The following FAM222B variants were observed in gnomAD, a reference collection of about 807,000 sequenced individuals.
The protein encoded by FAM222B is family with sequence similarity 222 member B.
In FAM222B, 12 loss-of-function variants were observed where a neutral mutation model predicts 38.0. That is an observed-to-expected ratio of 0.32 (90% confidence interval 0.20 to 0.51). The LOEUF is 0.51. FAM222B is among the 20% of genes least tolerant of loss of function. The pLI, the probability that FAM222B is intolerant of heterozygous loss-of-function variation, is 0.97. For missense variants in FAM222B, 716 were observed against 754.2 expected, an observed-to-expected ratio of 0.95 and a Z score of 0.59; for synonymous variants, 329 against 317.2, an observed-to-expected ratio of 1.04 and a Z score of -0.40.
intron 1 of FAM222B, among the ~76,000 whole-genome samples, chr17:28,790,884 C>CATTTTTTTTT (rs71135852): frequency 0.027 from 2,286 of 86,070 alleles, 839 homozygotes; most frequent in African/African-American, 0.034. Flanking sequence ...AATTGTTTCA[C>CATTTTTTTTT]TTTTTTTTTT....
upstream of FAM222B, among the ~76,000 whole-genome samples, chr17:28,846,181 C>T (rs1476441060): frequency 3.9e-4 from 51 of 130,704 alleles, no homozygotes; most frequent in Non-Finnish European, 6.3e-4. Context: ...CCAGCCTGGG[C>T]GACAGAGCAA....
At chr17:28,764,876 A>G (rs2035257226) in intron 2 of FAM222B, among the ~76,000 whole-genome samples, 1 of 152,206 alleles carries the variant, frequency 6.6e-6, no homozygotes, top group African/African-American at 2.4e-5. Context: ...GAGTGTGTTA[A>G]GGAACCCAGA....
At chr17:28,817,412 C>CAA (rs34394358) in intron 1 of FAM222B, among the ~76,000 whole-genome samples, 1 of 136,516 alleles carries the variant, frequency 7.3e-6, no homozygotes. Flanking sequence ...GACTCTGTCT[C>CAA]AAAAAAAAAA....
chr17:28,831,386 TAA>T (rs1216101488), intron 1 of FAM222B, among the ~76,000 whole-genome samples: 1 of 152,142 alleles, frequency 6.6e-6, no homozygotes, highest in African/African-American at 2.4e-5. Context: ...AGCTCTTTAT[TAA>T]GTCTTGAAAT....
chr17:28,788,612 T>A (rs2036523365), intron 1 of FAM222B, among the ~76,000 whole-genome samples: 1 of 152,168 alleles, frequency 6.6e-6, no homozygotes, highest in Non-Finnish European at 1.5e-5. Flanking sequence ...ACATATTAAG[T>A]CCCACCAAAC....
intron 1 of FAM222B, among the ~76,000 whole-genome samples, chr17:28,805,274 T>C (rs1269082249): frequency 6.6e-6 from 1 of 151,880 alleles, no homozygotes; most frequent in Non-Finnish European, 1.5e-5. Context: ...GGGCCGGGCA[T>C]GGTGGCTCAC....
intron 1 of FAM222B, among the ~76,000 whole-genome samples, chr17:28,778,713 ATATATATTTT>A (rs2036019682): frequency 1.4e-5 from 1 of 68,990 alleles, no homozygotes; most frequent in Non-Finnish European, 2.6e-5. Flanking sequence ...ATATATATAT[ATATATATTTT>A]TTTTTTTTTT....
upstream of FAM222B, among the ~76,000 whole-genome samples, chr17:28,846,021 G>A (rs941156266): frequency 6.6e-6 from 1 of 151,240 alleles, no homozygotes; most frequent in African/African-American, 2.4e-5. Flanking sequence ...GGCTAACACG[G>A]TGAAACCCCG....
intron 1 of FAM222B, among the ~76,000 whole-genome samples, chr17:28,778,589 C>T (rs1443804951): frequency 1.4e-5 from 2 of 146,148 alleles, no homozygotes; most frequent in Non-Finnish European, 3.0e-5. Context: ...CTGAAACCTC[C>T]ACCTCCTGGG....
chr17:28,854,975 G>A, exon 1 of FAM222B: 1 of 1,507,024 alleles, frequency 6.6e-7, no homozygotes, highest in Non-Finnish European at 8.9e-7. Context: ...TGGTTCGTCA[G>A]CCGCTCTGTT....
chr17:28,774,145 T>C (rs1597878020), intron 1 of FAM222B, among the ~76,000 whole-genome samples: 3 of 144,868 alleles, frequency 2.1e-5, no homozygotes, highest in South Asian at 2.3e-4. Flanking sequence ...TCTTTTGTTT[T>C]CTTTTTTTTT....
intron 2 of FAM222B, among the ~76,000 whole-genome samples, chr17:28,760,220 T>G (rs2035005473): frequency 6.6e-6 from 1 of 152,170 alleles, no homozygotes; most frequent in Non-Finnish European, 1.5e-5. Flanking sequence ...GTCTCATATC[T>G]TGCAGAACCA....
At chr17:28,766,893 A>G (rs1008064868) in intron 1 of FAM222B, 186 bp from the exon 2 acceptor site, 39 of 520,256 alleles carry the variant, frequency 7.5e-5, no homozygotes, top group Non-Finnish European at 1.2e-4. Flanking sequence ...AAATATCACT[A>G]TGGTTAAAAT....
In FAM222B at chr17:28,766,724, C is replaced by A. The variant is rs1406974002; in HGVS notation, c.-40-17G>T. 70 of 1,409,504 alleles carry A rather than the reference C, an allele frequency of 5.0e-5. No homozygotes were observed. The highest frequency in any genetic ancestry group is 1.4e-5 in the African/African-American group (1 of 70,436). The allele number at this position is 1,409,504 out of a possible 1,614,324, so 87.3% of individuals were successfully genotyped here. A position where few individuals can be genotyped will look rare whatever the true frequency, so the allele number is the denominator to read the frequency against. ...TGGCTCACACTGTAATGAACAAAAA[C>A]AAGGTCATGAAACACAAGGCAACTC... On this transcript the variant is annotated splice_polypyrimidine_tract_variant and intron_variant, in intron 1 of 2. Coordinates refer to ENST00000581407, the MANE Select transcript of FAM222B (RefSeq NM_001077498.3).
intron 1 of FAM222B, among the ~76,000 whole-genome samples, chr17:28,835,022 TTTTGTG>T (rs1279913481): frequency 6.4e-4 from 34 of 53,488 alleles, no homozygotes; most frequent in Admixed American, 1.2e-3. Flanking sequence ...ACTCAGCTAA[TTTTGTG>T]TGTGTGTGTG....
At chr17:28,817,202 A>G (rs1386185939) in intron 1 of FAM222B, among the ~76,000 whole-genome samples, 1 of 151,942 alleles carries the variant, frequency 6.6e-6, no homozygotes, top group East Asian at 1.9e-4. Context: ...AACTGAGGTC[A>G]GCAGTTCGAG....
chr17:28,766,591 T>G lies in FAM222B; in HGVS notation c.77A>C (p.Gln26Pro). 1 of 1,597,256 alleles carries G rather than the reference T, an allele frequency of 6.3e-7. No homozygotes were observed. Among genetic ancestry groups the G allele is most frequent in the Non-Finnish European group, 8.5e-7 (1 of 1,171,522 alleles). Residue 26 changes from glutamine to proline, a missense_variant, in exon 2 of 3, where the codon CAG becomes CCG. Gln to Pro is a moderately conservative substitution (Grantham distance 76). Coordinates refer to ENST00000581407, the MANE Select transcript of FAM222B (RefSeq NM_001077498.3). ...ATAGGATCCAGATTACTTACATTTC[T>G]GAAGTCCAGTGTTCATCTGCGTGTG... The part of the protein sequence containing the change: ...LSHTQMNTGL[Q>P]KWDTTQKMRT...
At chr17:28,786,787 C>T (rs1218841460) in intron 1 of FAM222B, among the ~76,000 whole-genome samples, 1 of 151,904 alleles carries the variant, frequency 6.6e-6, no homozygotes, top group Non-Finnish European at 1.5e-5. Flanking sequence ...GTTCTCTGTG[C>T]ACAACGCCTT....
intron 1 of FAM222B, among the ~76,000 whole-genome samples, chr17:28,773,608 G>C (rs953953914): frequency 6.6e-6 from 1 of 151,398 alleles, no homozygotes; most frequent in Admixed American, 6.6e-5. Context: ...AGACCAGCCT[G>C]GCCAACATGG....
Sources: allele counts gnomAD v4.1 joint callset (sites outside exome capture counted in the v4.1 genomes callset), GRCh38; gene constraint gnomAD v4.1.1; transcripts MANE v1.5; gene names NCBI Gene and HGNC (gene_info 2026-07-23, HGNC 2026-07-21).